C10orf143: variants seen among roughly 807,000 people sequenced by gnomAD.
C10orf143 encodes chromosome 10 open reading frame 143.
chr10:130,084,409 T>C (rs76235972), intron 1 of C10orf143, among the ~76,000 whole-genome samples: 6,756 of 152,246 alleles, frequency 0.044, 515 homozygotes, highest in African/African-American at 0.15. Context: ...AGCTAGTAAA[T>C]GTGTTTATTA....
At chr10:130,093,223 CA>C (rs2134791890) in intron 1 of C10orf143, among the ~76,000 whole-genome samples, 1 of 152,294 alleles carries the variant, frequency 6.6e-6, no homozygotes, top group Non-Finnish European at 1.5e-5. Context: ...TCTCTCAGAC[CA>C]CAGTGCAATC....
intron 1 of C10orf143, among the ~76,000 whole-genome samples, chr10:130,084,488 A>T (rs965052608): frequency 6.6e-6 from 1 of 152,256 alleles, no homozygotes; most frequent in Non-Finnish European, 1.5e-5. Context: ...GTAAATAACA[A>T]GAGCAAAGTT....
At chr10:130,038,769 T>C (rs1017647831) in intron 3 of C10orf143, among the ~76,000 whole-genome samples, 1 of 152,106 alleles carries the variant, frequency 6.6e-6, no homozygotes, top group East Asian at 1.9e-4. Flanking sequence ...CTGCTGGCCC[T>C]GCCTACAGCC....
At chr10:130,108,409 A>C (rs1321729190) in intron 1 of C10orf143, 1 of 923,056 alleles carries the variant, frequency 1.1e-6, no homozygotes. Flanking sequence ...TTCCGCCTTC[A>C]AATGAGCCTG....
intron 3 of C10orf143, among the ~76,000 whole-genome samples, chr10:130,069,848 T>C (rs1861001669): frequency 8.2e-6 from 1 of 121,360 alleles, no homozygotes; most frequent in African/African-American, 2.6e-5. Context: ...AATTCTTATG[T>C]CCATTGTTTC....
intron 1 of C10orf143, chr10:130,107,370 G>T (rs757861514): frequency 8.2e-6 from 9 of 1,093,092 alleles, no homozygotes; most frequent in Admixed American, 3.4e-5. Context: ...GAATTGGAGA[G>T]AACTATTCAT....
intron 3 of C10orf143, among the ~76,000 whole-genome samples, chr10:130,042,698 A>G (rs765328285): frequency 2.0e-5 from 3 of 152,244 alleles, no homozygotes; most frequent in Non-Finnish European, 4.4e-5. Flanking sequence ...GCCGAAAGCC[A>G]CATACTGTTT....
intron 3 of C10orf143, among the ~76,000 whole-genome samples, chr10:130,073,783 A>G (rs1307386164): frequency 2.0e-5 from 3 of 152,154 alleles, no homozygotes; most frequent in Non-Finnish European, 4.4e-5. Context: ...AAATGACCTA[A>G]ATAACAGTTA....
downstream of C10orf143, among the ~76,000 whole-genome samples, chr10:130,060,857 G>T (rs1037274695): frequency 1.3e-5 from 2 of 149,500 alleles, no homozygotes; most frequent in African/African-American, 2.5e-5. Flanking sequence ...TATATGCTAG[G>T]CCGGGCGCGG....
chr10:130,075,499 G>A (rs1347104698), intron 3 of C10orf143, among the ~76,000 whole-genome samples: 1 of 152,126 alleles, frequency 6.6e-6, no homozygotes, highest in Non-Finnish European at 1.5e-5. Flanking sequence ...GCTGATTAGC[G>A]CTGGTAAGAA....
At chr10:130,068,519 G>A (rs992173853) in intron 3 of C10orf143, 1 of 143,054 alleles carries the variant, frequency 7.0e-6, no homozygotes, top group African/African-American at 2.6e-5. Flanking sequence ...GCTGAGGCAG[G>A]AGAATCGCTT....
intron 1 of C10orf143, among the ~76,000 whole-genome samples, chr10:130,103,318 A>T (rs1455567344): frequency 6.6e-6 from 1 of 152,060 alleles, no homozygotes; most frequent in Non-Finnish European, 1.5e-5. Context: ...TCCTTTGGGT[A>T]TTTAGTTTTA....
chr10:130,088,614 G>A (rs1368209681), intron 1 of C10orf143, among the ~76,000 whole-genome samples: 1 of 152,138 alleles, frequency 6.6e-6, no homozygotes, highest in African/African-American at 2.4e-5. Flanking sequence ...GTCAGCTGAG[G>A]GAGGTTTCTT....
In C10orf143 at chr10:130,110,727, CCTCCGCCCTCCG is replaced by C; in HGVS notation, c.34_45del (p.Arg12_Glu15del). 2.5e-6 allele frequency: 1 copy of C among 398,970 alleles called. No individual in the cohort carries two copies. Among genetic ancestry groups the C allele is most frequent in the Non-Finnish European group, 4.4e-6 (1 of 226,124 alleles). The allele number at this position is 398,970 out of a possible 1,614,324, so 24.7% of individuals were successfully genotyped here. On this transcript the variant is annotated inframe_deletion, in exon 1 of 4. Coordinates refer to ENST00000637128, the MANE Select transcript of C10orf143 (RefSeq NM_001355042.2). ...ACCACGTCCCCCGGAACCTGCAGAT[CCTCCGCCCTCCG>C]CTGTCGCCAGCGGCCGAGCGCTAAG...
intron 3 of C10orf143, among the ~76,000 whole-genome samples, chr10:130,037,319 C>A (rs1589998940): frequency 6.6e-6 from 1 of 152,228 alleles, no homozygotes; most frequent in East Asian, 1.9e-4. Flanking sequence ...GCTGACTTCA[C>A]CCAGTTACTT....
chr10:130,036,470 G>A (rs1405990626), intron 3 of C10orf143, among the ~76,000 whole-genome samples: 3 of 152,190 alleles, frequency 2.0e-5, no homozygotes, highest in Non-Finnish European at 4.4e-5. Context: ...GCTCCTGGCA[G>A]CCCTGATTGT....
At chr10:130,044,451 C>T in intron 3 of C10orf143, among the ~76,000 whole-genome samples, 1 of 152,194 alleles carries the variant, frequency 6.6e-6, no homozygotes, top group East Asian at 1.9e-4. Context: ...TCCACATCTA[C>T]CTGCCAGGTA....
rs769876181 is a variant in C10orf143, at chr10:130,108,163, A to G, written c.69+2541T>C. 20 of 1,577,000 alleles carry G rather than the reference A, an allele frequency of 1.3e-5. No homozygotes were observed. The East Asian group carries it at 1.6e-4, about 12-fold the overall frequency. ...GAGGTCCACTGTTTCCAGTGGATAC[A>G]AGGGGCCCGTTCATGAGAAGAGCAC... On this transcript the variant is annotated intron_variant, in intron 1 of 3. Transcript: ENST00000637128.
intron 3 of C10orf143, among the ~76,000 whole-genome samples, chr10:130,057,227 G>T (rs1860807017): frequency 6.6e-6 from 1 of 152,066 alleles, no homozygotes; most frequent in African/African-American, 2.4e-5. Flanking sequence ...AGATATACAT[G>T]GCATAAAATT....
Sources: gnomAD v4.1 joint callset for allele counts (sites outside exome capture counted in the v4.1 genomes callset) on GRCh38, gnomAD v4.1.1 for gene constraint, MANE v1.5 for transcripts, NCBI Gene and HGNC (gene_info 2026-07-23, HGNC 2026-07-21) for gene names.